The following HIVEP3 variants were observed in gnomAD, a reference collection of about 807,000 sequenced individuals.
HIVEP3 encodes HIVEP zinc finger 3, also known as transcription factor HIVEP3.
A neutral mutation model predicts 152.8 loss-of-function variants in HIVEP3; 49 were observed. That is an observed-to-expected ratio of 0.32 (90% CI 0.26 to 0.41). HIVEP3 has a LOEUF of 0.41. HIVEP3 is among the 10% of genes least tolerant of loss of function. HIVEP3 has a pLI of 1.00. For synonymous variants in HIVEP3, 1,269 were observed against 1,289.0 expected, an observed-to-expected ratio of 0.98 and a Z score of 0.33; for missense variants, 2,790 against 3,103.3, an observed-to-expected ratio of 0.90 and a Z score of 2.40.
At chr1:41,803,179 T>A (rs1046059290) in intron 1 of HIVEP3, among the ~76,000 whole-genome samples, 1 of 152,160 alleles carries the variant, frequency 6.6e-6, no homozygotes, top group Non-Finnish European at 1.5e-5. Context: ...GCCTCAAAAA[T>A]AGAACAGACA....
At chr1:42,000,673 T>C (rs1262279988) in intron 1 of HIVEP3, among the ~76,000 whole-genome samples, 2 of 152,180 alleles carry the variant, frequency 1.3e-5, no homozygotes, top group East Asian at 3.8e-4. Flanking sequence ...ACAGTTCTCC[T>C]GCAATATACA....
chr1:41,573,744 A>G (rs1403483636), intron 5 of HIVEP3, among the ~76,000 whole-genome samples: 4 of 152,142 alleles, frequency 2.6e-5, no homozygotes, highest in Non-Finnish European at 5.9e-5. Context: ...TTTTACAGAT[A>G]AAGAAACTGA....
chr1:41,930,129 G>C (rs546678975), intron 1 of HIVEP3, among the ~76,000 whole-genome samples: 8 of 152,108 alleles, frequency 5.3e-5, no homozygotes, highest in African/African-American at 1.7e-4. Flanking sequence ...TACATCTTAG[G>C]TTCCTCAGTA....
chr1:41,850,324 C>CACA (rs1491325214), intron 1 of HIVEP3, among the ~76,000 whole-genome samples: 1 of 131,930 alleles, frequency 7.6e-6, no homozygotes, highest in African/African-American at 4.4e-5. Flanking sequence ...AAAAGGCCAC[C>CACA]ACACACACAA....
chr1:41,888,798 A>AAC (rs557893966), intron 1 of HIVEP3, among the ~76,000 whole-genome samples: 1 of 118,030 alleles, frequency 8.5e-6, no homozygotes, highest in Admixed American at 1.0e-4. Flanking sequence ...ACACATACCA[A>AAC]ACACACACAC....
chr1:41,556,935 G>T (rs1170366784), intron 5 of HIVEP3, among the ~76,000 whole-genome samples: 4 of 152,186 alleles, frequency 2.6e-5, no homozygotes, highest in Non-Finnish European at 5.9e-5. Flanking sequence ...AAAATCATTT[G>T]ACCATATTTG....
chr1:41,874,333 AT>A (rs1224361620), intron 1 of HIVEP3, among the ~76,000 whole-genome samples: 5 of 152,198 alleles, frequency 3.3e-5, no homozygotes, highest in Non-Finnish European at 5.9e-5. Context: ...AGGCATGAAG[AT>A]TGCCCACTGA....
In HIVEP3 at chr1:41,518,459, C is replaced by A. The variant is rs1164658169; in HGVS notation, c.5413G>T (p.Ala1805Ser). 8 of 1,614,024 alleles carry A rather than the reference C, an allele frequency of 5.0e-6. No homozygotes were observed. The Admixed American group carries it at 1.2e-4, about 24-fold the overall frequency. The change falls in exon 7 of 9, where the codon GCC (alanine) becomes TCC (serine). Residue 1805 changes from alanine to serine, a missense_variant. Physicochemically the swap from Ala to Ser is moderately conservative, Grantham distance 99. Coordinates refer to ENST00000372583, the MANE Select transcript of HIVEP3 (RefSeq NM_024503.5). Reference sequence around the variant, plus strand: ...GTCTCTTGGCACTTTTTGCTGTGGGCCTTCGACTTCATGTGCTTAGTCAGA... The same window carrying A: ...GTCTCTTGGCACTTTTTGCTGTGGGACTTCGACTTCATGTGCTTAGTCAGA... The part of the protein sequence containing the change: ...GNLTKHMKSK[A>S]HSKKCQETGV...
chr1:41,583,883 G>C lies in HIVEP3; in HGVS notation c.915C>G (p.Pro305=), dbSNP rs1558089082. 6.2e-7 allele frequency: 1 copy of C among 1,613,864 alleles called. No homozygotes were observed. The highest frequency in any genetic ancestry group is 1.7e-5 in the Admixed American group (1 of 60,004). ...PAELSPRPKQ[P]LLSSGLYSSG... ...AGCTGTATAGCCCGCTGGAGAGAAG[G>C]GGCTGCTTGGGTCTTGGGGAGAGCT... is the stretch of plus-strand genomic sequence containing the variant. Residue 305 remains proline (P), a synonymous_variant, in exon 4 of 9, where the codon CCC becomes CCG. Transcript: ENST00000372583. The surrounding 1 kb of genome is among the most constrained non-coding windows in gnomAD (Gnocchi z 6.9).
rs1232901348 is a variant in HIVEP3 at position 41,510,168 on chromosome 1, T to C, written c.*283A>G. 2 of 296,566 alleles carry C rather than the reference T, an allele frequency of 6.7e-6. No homozygotes were observed. Among genetic ancestry groups the C allele is most frequent in the Non-Finnish European group, 6.2e-6 (1 of 162,458 alleles). The allele number at this position is 296,566 out of a possible 1,614,324, so 18.4% of individuals were successfully genotyped here. A position where few individuals can be genotyped will look rare whatever the true frequency, so the allele number is the denominator to read the frequency against. On this transcript the variant is annotated 3_prime_UTR_variant, in exon 9 of 9. Transcript: ENST00000372583. Reference sequence around the variant, plus strand: ...GGGTCAGGAGGCTTCACCATCAGCCTTTCCCCAAAACCATAAACTATTCAC... The same window carrying C: ...GGGTCAGGAGGCTTCACCATCAGCCCTTCCCCAAAACCATAAACTATTCAC...
chr1:41,639,059 C>T (rs1035955379), intron 2 of HIVEP3, among the ~76,000 whole-genome samples: 7 of 152,220 alleles, frequency 4.6e-5, no homozygotes, highest in Admixed American at 6.5e-5. Flanking sequence ...CCACTCTGAA[C>T]GGAACGTCTG....
At chr1:41,924,273 A>C (rs1298648703) in intron 1 of HIVEP3, among the ~76,000 whole-genome samples, 2 of 152,202 alleles carry the variant, frequency 1.3e-5, no homozygotes, top group Admixed American at 1.3e-4. Flanking sequence ...CGGAGGGAGC[A>C]TAGCCCTATC....
intron 1 of HIVEP3, among the ~76,000 whole-genome samples, chr1:41,950,017 GCTGA>G (rs1645097219): frequency 6.6e-6 from 1 of 152,090 alleles, no homozygotes; most frequent in Admixed American, 6.5e-5. Context: ...GATTTCCTAG[GCTGA>G]CTAAGAATCC....
intron 2 of HIVEP3, among the ~76,000 whole-genome samples, chr1:41,643,432 T>A (rs1398241564): frequency 6.6e-6 from 1 of 152,242 alleles, no homozygotes; most frequent in Non-Finnish European, 1.5e-5. Context: ...TGGCATGCAG[T>A]CAGCCTGCTG....
chr1:41,987,249 C>A (rs1393914875), intron 1 of HIVEP3, among the ~76,000 whole-genome samples: 1 of 152,146 alleles, frequency 6.6e-6, no homozygotes, highest in East Asian at 1.9e-4. Context: ...TCAATTCCTA[C>A]CACAAGTCCC....
intron 5 of HIVEP3, among the ~76,000 whole-genome samples, chr1:41,528,274 C>G: frequency 7.6e-6 from 1 of 131,004 alleles, no homozygotes; most frequent in South Asian, 2.6e-4. Flanking sequence ...CCTCACACAC[C>G]CTCACATACA....
chr1:42,028,567 T>C (rs1243725046), intron 1 of HIVEP3, among the ~76,000 whole-genome samples: 1 of 152,158 alleles, frequency 6.6e-6, no homozygotes, highest in Non-Finnish European at 1.5e-5. Context: ...CAAATCTGAT[T>C]GGTCTTTCTT....
chr1:41,623,346 C>T (rs1645072037), intron 3 of HIVEP3, among the ~76,000 whole-genome samples: 1 of 152,236 alleles, frequency 6.6e-6, no homozygotes, highest in African/African-American at 2.4e-5. Context: ...TCTCCCCACA[C>T]AGTGGCTCTG....
intron 1 of HIVEP3, among the ~76,000 whole-genome samples, chr1:41,887,754 A>G (rs1285755005): frequency 6.6e-6 from 1 of 152,192 alleles, no homozygotes. Flanking sequence ...GATTAAAGAT[A>G]AATAGCCCCA....
Sources: gnomAD v4.1 joint callset for allele counts (sites outside exome capture counted in the v4.1 genomes callset) on GRCh38, gnomAD v4.1.1 for gene constraint, Gnocchi (gnomAD v3.1) non-coding constraint, MANE v1.5 for transcripts, NCBI Gene and HGNC (gene_info 2026-07-23, HGNC 2026-07-21) for gene names.